PKP4: variants seen among roughly 807,000 people sequenced by gnomAD.
PKP4 encodes plakophilin-4.
PKP4 carries 90 observed loss-of-function variants against 145.1 expected under a neutral mutation model. The ratio of observed to expected loss-of-function variants is 0.62; its 90% CI spans 0.52 to 0.74. PKP4 has a LOEUF of 0.74. PKP4 is among the 30% of genes least tolerant of loss of function. The pLI is 0.00. For synonymous variants in PKP4, 563 were observed against 577.2 expected (o/e 0.98, Z 0.35); for missense variants, 1,340 against 1,482.7 (o/e 0.90, Z 1.58).
In PKP4 at chr2:158,588,048, G is replaced by A. The variant is rs186301479; in HGVS notation, c.245+10665G>A. On this transcript the variant is annotated intron_variant, in intron 3 of 21. Transcript: ENST00000389759. ...CTAGTTCATTCTTTTAACTGCTCTT[G>A]TATATTTATATCATAGACATTAAAC... Among the ~76,000 whole-genome samples the A allele has an allele frequency of 1.7e-4, 26 of 151,756 alleles. 1 individual carries two copies. The highest frequency in any genetic ancestry group is 1.6e-3 in the Admixed American group (24 of 15,234).
intron 12 of PKP4, 92 bp downstream of exon 12, chr2:158,658,406 C>A: frequency 1.3e-6 from 1 of 758,514 alleles, no homozygotes; most frequent in Non-Finnish European, 2.1e-6. Context: ...TTATTAACAT[C>A]TATCTAAGTT....
intron 17 of PKP4, among the ~76,000 whole-genome samples, chr2:158,670,687 A>G (rs1469270600): frequency 1.3e-5 from 2 of 152,134 alleles, no homozygotes; most frequent in Admixed American, 1.3e-4. Flanking sequence ...TCTGGAATTG[A>G]GTTTTCTGCC....
At chr2:158,586,036 G>A (rs2048776284) in intron 3 of PKP4, among the ~76,000 whole-genome samples, 1 of 151,772 alleles carries the variant, frequency 6.6e-6, no homozygotes, top group Non-Finnish European at 1.5e-5. Flanking sequence ...GTGGTCTTTT[G>A]TGTCTGGCAT....
intron 1 of PKP4, among the ~76,000 whole-genome samples, chr2:158,503,881 T>C (rs1257503084): frequency 6.6e-6 from 1 of 152,058 alleles, no homozygotes; most frequent in Non-Finnish European, 1.5e-5. Flanking sequence ...ACCCAGAGTT[T>C]CTGATTCAGT....
In PKP4 at chr2:158,663,292, C is replaced by G; in HGVS notation, c.2424C>G (p.Ile808Met). 1 of 1,613,666 alleles carries G rather than the reference C, an allele frequency of 6.2e-7. No individual in the cohort carries two copies. The highest frequency in any genetic ancestry group is 8.5e-7 in the Non-Finnish European group (1 of 1,179,850). Residue 808 changes from isoleucine (I) to methionine (M), a missense_variant, in exon 15 of 22, where the codon ATC (isoleucine) becomes ATG (methionine). Ile to Met is a conservative substitution (Grantham distance 10). Coordinates refer to ENST00000389759, the MANE Select transcript of PKP4 (RefSeq NM_003628.6). Reference sequence around the variant, plus strand: ...TTCAGTGGGATGGAGTTGGTCCTATCCCAGGACTGTCGAAGTCCCCCAAAG... The same window carrying G: ...TTCAGTGGGATGGAGTTGGTCCTATGCCAGGACTGTCGAAGTCCCCCAAAG... ...QEDQWDGVGP[I>M]PGLSKSPKGV...
Position 158,634,306 on chromosome 2 carries a change from A to C in PKP4, c.1562+17A>C, listed in dbSNP as rs377048677. The C allele has an allele frequency of 3.1e-6, 5 of 1,599,900 alleles. No individual in the cohort carries two copies. Among genetic ancestry groups the C allele is most frequent in the Non-Finnish European group, 4.3e-6 (5 of 1,167,668 alleles). ...GGACCCCAGGCGAGTACCAGTTAGG[A>C]GTCTCTAGAAGGCTACAGTATTGCA... is the stretch of plus-strand genomic sequence containing the variant. On this transcript the variant is annotated intron_variant, in intron 9 of 21. Transcript: ENST00000389759.
At chr2:158,521,363 C>T (rs768341057) in intron 1 of PKP4, among the ~76,000 whole-genome samples, 3 of 152,172 alleles carry the variant, frequency 2.0e-5, no homozygotes, top group Non-Finnish European at 4.4e-5. Context: ...TTCTCCTCTT[C>T]GTACAAACCT....
chr2:158,602,525 C>T (rs750719571), intron 3 of PKP4, among the ~76,000 whole-genome samples: 14 of 152,134 alleles, frequency 9.2e-5, no homozygotes, highest in Non-Finnish European at 1.9e-4. Flanking sequence ...TTTTTAAATG[C>T]ACCCTCTAAT....
chr2:158,506,449 G>A (rs1339534669), intron 1 of PKP4, among the ~76,000 whole-genome samples: 2 of 152,172 alleles, frequency 1.3e-5, no homozygotes, highest in African/African-American at 4.8e-5. Context: ...GTTATTTGAA[G>A]CTGCTGTTTT....
chr2:158,473,777 C>A (rs190290810), intron 1 of PKP4, among the ~76,000 whole-genome samples: 9 of 152,286 alleles, frequency 5.9e-5, no homozygotes, highest in African/African-American at 2.2e-4. Flanking sequence ...ACATAACCTT[C>A]ACATGTACCC....
chr2:158,495,802 C>T (rs1695616984), intron 1 of PKP4, among the ~76,000 whole-genome samples: 1 of 150,788 alleles, frequency 6.6e-6, no homozygotes, highest in South Asian at 2.1e-4. Flanking sequence ...CCTCTGCACT[C>T]CAGCCTGGGC....
At chr2:158,493,769 C>T (rs963794215) in intron 1 of PKP4, among the ~76,000 whole-genome samples, 1 of 152,218 alleles carries the variant, frequency 6.6e-6, no homozygotes, top group Non-Finnish European at 1.5e-5. Flanking sequence ...CACTTGGCAA[C>T]ATGCTTTCCT....
chr2:158,528,636 T>A (rs1012845116), intron 1 of PKP4, among the ~76,000 whole-genome samples: 331 of 81,312 alleles, frequency 4.1e-3, no homozygotes, highest in Non-Finnish European at 5.0e-3. Context: ...TAAAGTATAA[T>A]AAAAAAAAAA....
At chr2:158,626,217 A>C (rs1393490077) in intron 7 of PKP4, among the ~76,000 whole-genome samples, 1 of 152,202 alleles carries the variant, frequency 6.6e-6, no homozygotes, top group African/African-American at 2.4e-5. Flanking sequence ...GGCTTTCAGA[A>C]TGTTTCTTTG....
At chr2:158,497,649 A>C (rs1695935413) in intron 1 of PKP4, among the ~76,000 whole-genome samples, 1 of 152,148 alleles carries the variant, frequency 6.6e-6, no homozygotes, top group Admixed American at 6.5e-5. Flanking sequence ...AAGTTATTTC[A>C]CTTCTCTGGC....
intron 3 of PKP4, among the ~76,000 whole-genome samples, chr2:158,579,253 C>G (rs1333580516): frequency 6.6e-6 from 1 of 152,126 alleles, no homozygotes; most frequent in Non-Finnish European, 1.5e-5. Context: ...TGCCCATCCT[C>G]TCACAGAAAC....
chr2:158,647,591 A>C (rs2054950978), intron 11 of PKP4, among the ~76,000 whole-genome samples: 1 of 151,688 alleles, frequency 6.6e-6, no homozygotes, highest in Non-Finnish European at 1.5e-5. Flanking sequence ...ACTTTTCTTC[A>C]AATGTATTTT....
At chr2:158,633,627 G>A (rs2053574518) in intron 8 of PKP4, among the ~76,000 whole-genome samples, 1 of 152,182 alleles carries the variant, frequency 6.6e-6, no homozygotes, top group South Asian at 2.1e-4. Context: ...AAAAGATAAG[G>A]ATGGACTACT....
intron 1 of PKP4, among the ~76,000 whole-genome samples, chr2:158,509,612 G>A (rs544492556): frequency 3.3e-4 from 50 of 152,310 alleles, no homozygotes; most frequent in South Asian, 2.7e-3. Flanking sequence ...CACATTAAAA[G>A]TACTCCTTTG....
Sources: gnomAD v4.1 joint callset for allele counts (sites outside exome capture counted in the v4.1 genomes callset) on GRCh38, gnomAD v4.1.1 for gene constraint, MANE v1.5 for transcripts, NCBI Gene and HGNC (gene_info 2026-07-23, HGNC 2026-07-21) for gene names.